Variants in CDH13 observed in about 807,000 individuals in gnomAD.
The protein encoded by CDH13 is cadherin 13.
A neutral mutation model predicts 63.8 loss-of-function variants in CDH13; 24 were observed. The observed-to-expected ratio is 0.38, with a 90% CI of 0.27 to 0.53. CDH13 has a LOEUF of 0.53. CDH13 is among the 20% of genes least tolerant of loss of function. The probability of loss-of-function intolerance (pLI) is 0.85; values close to 1 mark genes in which losing one functional copy is unlikely to be tolerated. For synonymous variants in CDH13, 503 were observed against 355.3 expected, an observed-to-expected ratio of 1.42 and a Z score of -4.67; for missense variants, 1,049 against 903.1, an observed-to-expected ratio of 1.16 and a Z score of -2.07.
chr16:83,315,900 A>G (rs1008002025), intron 5 of CDH13, among the ~76,000 whole-genome samples: 7 of 152,222 alleles, frequency 4.6e-5, no homozygotes, highest in African/African-American at 1.4e-4. Flanking sequence ...ATGGGAGTAT[A>G]TATTGAAACA....
intron 1 of CDH13, among the ~76,000 whole-genome samples, chr16:82,670,996 T>C (rs1913174317): frequency 6.6e-6 from 1 of 152,214 alleles, no homozygotes; most frequent in Non-Finnish European, 1.5e-5. Flanking sequence ...TCATGTATTG[T>C]TTAACTATGT....
chr16:83,671,516 T>C (rs1184687778), intron 9 of CDH13, among the ~76,000 whole-genome samples: 1 of 152,210 alleles, frequency 6.6e-6, no homozygotes, highest in Non-Finnish European at 1.5e-5. Flanking sequence ...CCCAAAATGC[T>C]GGAGTTACAA....
At chr16:83,789,099 C>A (rs919901672) in intron 13 of CDH13, among the ~76,000 whole-genome samples, 2 of 152,218 alleles carry the variant, frequency 1.3e-5, no homozygotes, top group Middle Eastern at 3.4e-3. Flanking sequence ...TTCTTCCTAA[C>A]CAAAAAGGGA....
intron 6 of CDH13, among the ~76,000 whole-genome samples, chr16:83,369,886 C>A (rs1347512023): frequency 6.6e-6 from 1 of 152,130 alleles, no homozygotes; most frequent in Admixed American, 6.5e-5. Flanking sequence ...ACTGTGAAGT[C>A]AAAATTAAGG....
intron 6 of CDH13, among the ~76,000 whole-genome samples, chr16:83,374,963 C>A (rs571404982): frequency 6.6e-6 from 1 of 152,100 alleles, no homozygotes; most frequent in Non-Finnish European, 1.5e-5. Flanking sequence ...TTTTTGATAA[C>A]CGTGGGGATT....
At chr16:83,252,138 G>A (rs11649084) in intron 5 of CDH13, among the ~76,000 whole-genome samples, 94 of 120,980 alleles carry the variant, frequency 7.8e-4, no homozygotes, top group Middle Eastern at 8.3e-3. Context: ...ACATATATAT[G>A]TATATATATA....
chr16:83,679,327 A>T (rs1050235080), intron 10 of CDH13, among the ~76,000 whole-genome samples: 1 of 152,228 alleles, frequency 6.6e-6, no homozygotes, highest in Non-Finnish European at 1.5e-5. Flanking sequence ...AAAGTTATTA[A>T]TGTTCCTCCT....
At chr16:83,148,033 A>G (rs2036824010) in intron 4 of CDH13, among the ~76,000 whole-genome samples, 2 of 152,118 alleles carry the variant, frequency 1.3e-5, no homozygotes. Context: ...TCCTAGGTAC[A>G]AGCAATTGAT....
chr16:83,056,967 G>T (rs2031010516), intron 3 of CDH13, among the ~76,000 whole-genome samples: 2 of 151,666 alleles, frequency 1.3e-5, no homozygotes, highest in Non-Finnish European at 2.9e-5. Context: ...ACTCTTTTTT[G>T]TTTGTTTGTT....
chr16:83,128,225 C>T (rs533565986), intron 4 of CDH13, among the ~76,000 whole-genome samples: 19 of 152,188 alleles, frequency 1.2e-4, no homozygotes, highest in Non-Finnish European at 2.2e-4. Context: ...TTAAAATATC[C>T]GAGGTGATTC....
At chr16:83,111,643 G>C (rs1597357361) in intron 3 of CDH13, among the ~76,000 whole-genome samples, 1 of 152,114 alleles carries the variant, frequency 6.6e-6, no homozygotes, top group African/African-American at 2.4e-5. Flanking sequence ...ATTTATGTTT[G>C]GTCAGAGCAC....
At chr16:83,581,952 G>C (rs1293111477) in intron 7 of CDH13, among the ~76,000 whole-genome samples, 3 of 152,188 alleles carry the variant, frequency 2.0e-5, no homozygotes, top group Non-Finnish European at 4.4e-5. Flanking sequence ...CCAGAATGCA[G>C]GCTCTAGGAT....
chr16:83,334,153 C>T (rs1388184676), intron 5 of CDH13, among the ~76,000 whole-genome samples: 3 of 152,114 alleles, frequency 2.0e-5, no homozygotes, highest in South Asian at 2.1e-4. Context: ...CATATCCCAT[C>T]ACTCTGACCT....
intron 7 of CDH13, among the ~76,000 whole-genome samples, chr16:83,524,445 C>CTTTTTTT (rs150233410): frequency 5.9e-4 from 35 of 59,274 alleles, no homozygotes; most frequent in South Asian, 2.0e-3. Context: ...TTTCTTTTTT[C>CTTTTTTT]TTTTTTTTTT....
At chr16:83,057,415 C>T (rs2031061021) in intron 3 of CDH13, among the ~76,000 whole-genome samples, 1 of 151,900 alleles carries the variant, frequency 6.6e-6, no homozygotes, top group East Asian at 1.9e-4. Flanking sequence ...TAGGTGTGTT[C>T]ACTCAAAAAA....
intron 5 of CDH13, among the ~76,000 whole-genome samples, chr16:83,223,963 G>A (rs959187995): frequency 6.6e-6 from 1 of 152,152 alleles, no homozygotes; most frequent in Non-Finnish European, 1.5e-5. Flanking sequence ...AACCCAGTTT[G>A]TAGCCTTTTA....
chr16:83,081,422 G>C (rs1567811272), intron 3 of CDH13, among the ~76,000 whole-genome samples: 1 of 152,116 alleles, frequency 6.6e-6, no homozygotes, highest in African/African-American at 2.4e-5. Flanking sequence ...CCTAGAACAA[G>C]GATCATATTA....
intron 6 of CDH13, among the ~76,000 whole-genome samples, chr16:83,442,729 A>G (rs1025783906): frequency 4.6e-5 from 7 of 152,238 alleles, no homozygotes; most frequent in Non-Finnish European, 8.8e-5. Flanking sequence ...CATTGGGAAC[A>G]GTGATATCAG....
At chr16:83,482,486 G>A (rs924705929) in intron 6 of CDH13, among the ~76,000 whole-genome samples, 7 of 152,208 alleles carry the variant, frequency 4.6e-5, no homozygotes, top group Non-Finnish European at 1.0e-4. Context: ...TGCGGTGTTT[G>A]CCACGTATTT....
Sources: allele counts gnomAD v4.1 joint callset (sites outside exome capture counted in the v4.1 genomes callset), GRCh38; gene constraint gnomAD v4.1.1; transcripts MANE v1.5; gene names NCBI Gene and HGNC (gene_info 2026-07-23, HGNC 2026-07-21).